Variants in ZNF827 observed in about 807,000 individuals in gnomAD.
ZNF827 encodes the protein zinc finger protein 827.
Under a neutral mutation model 102.4 loss-of-function variants are expected in ZNF827, and 13 were observed. The observed-to-expected ratio is 0.13, with a 90% CI of 0.08 to 0.20. The LOEUF (loss-of-function observed/expected upper bound fraction) is 0.20, where lower values mean the gene tolerates loss of function less well. ZNF827 is among the 10% of genes least tolerant of loss of function. The pLI, the probability that ZNF827 is intolerant of heterozygous loss-of-function variation, is 1.00. For synonymous variants in ZNF827, 523 were observed against 536.2 expected (o/e 0.98, Z 0.34); for missense variants, 1,103 against 1,344.4 (o/e 0.82, Z 2.81).
intron 4 of ZNF827, among the ~76,000 whole-genome samples, chr4:145,881,664 A>G (rs1313939006): frequency 1.3e-5 from 2 of 152,126 alleles, no homozygotes; most frequent in East Asian, 3.9e-4. Flanking sequence ...AGACTTTTTA[A>G]CTGGAGAAAC....
intron 7 of ZNF827, among the ~76,000 whole-genome samples, chr4:145,836,077 T>A (rs1308059320): frequency 6.6e-6 from 1 of 152,004 alleles, no homozygotes; most frequent in Non-Finnish European, 1.5e-5. Flanking sequence ...CTGACACTCA[T>A]CAAGCTCAGC....
intron 1 of ZNF827, among the ~76,000 whole-genome samples, chr4:145,922,686 G>A (rs1403074521): frequency 6.6e-6 from 1 of 152,220 alleles, no homozygotes; most frequent in Admixed American, 6.5e-5. Context: ...CAAGGAAAAG[G>A]ACATGTGTGA....
intron 1 of ZNF827, among the ~76,000 whole-genome samples, chr4:145,926,143 GAC>G (rs1753401974): frequency 6.6e-6 from 1 of 152,288 alleles, no homozygotes; most frequent in African/African-American, 2.4e-5. Context: ...CCCAATCCCT[GAC>G]ACACTTTGCT....
chr4:145,807,334 T>C (rs1319633640), intron 8 of ZNF827, among the ~76,000 whole-genome samples: 1 of 152,232 alleles, frequency 6.6e-6, no homozygotes, highest in Non-Finnish European at 1.5e-5. Flanking sequence ...TTAATTTTTC[T>C]TTATAGAAGT....
At chr4:145,790,675 T>TG (rs1210788911) in intron 8 of ZNF827, among the ~76,000 whole-genome samples, 3 of 152,252 alleles carry the variant, frequency 2.0e-5, no homozygotes, top group Non-Finnish European at 4.4e-5. Context: ...GGACAAGTCT[T>TG]GATCATATCA....
chr4:145,933,475 T>C (rs1392314708), intron 1 of ZNF827, among the ~76,000 whole-genome samples: 1 of 152,184 alleles, frequency 6.6e-6, no homozygotes, highest in Non-Finnish European at 1.5e-5. Flanking sequence ...AAAAGACTGG[T>C]AAAATGATAA....
At chr4:145,807,368 TAGA>T (rs1741556292) in intron 8 of ZNF827, among the ~76,000 whole-genome samples, 1 of 152,204 alleles carries the variant, frequency 6.6e-6, no homozygotes. Flanking sequence ...TATAGAAAAC[TAGA>T]AGAAGAGAGA....
intron 4 of ZNF827, among the ~76,000 whole-genome samples, chr4:145,880,830 G>A (rs1324538193): frequency 1.3e-5 from 2 of 152,246 alleles, no homozygotes; most frequent in African/African-American, 4.8e-5. Context: ...GCATGCCCAG[G>A]CGTGGGGAGT....
At chr4:145,864,734 C>T (rs1229508883) in intron 5 of ZNF827, among the ~76,000 whole-genome samples, 2 of 152,100 alleles carry the variant, frequency 1.3e-5, no homozygotes, top group Non-Finnish European at 2.9e-5. Flanking sequence ...ATTAGATCTA[C>T]CTGTTCACTT....
chr4:145,807,374 A>C (rs893297264), intron 8 of ZNF827, among the ~76,000 whole-genome samples: 1 of 152,210 alleles, frequency 6.6e-6, no homozygotes, highest in Non-Finnish European at 1.5e-5. Flanking sequence ...AAACTAGAAG[A>C]AGAGAGACAA....
intron 11 of ZNF827, among the ~76,000 whole-genome samples, chr4:145,768,623 G>C (rs1431319230): frequency 6.6e-6 from 1 of 151,516 alleles, no homozygotes; most frequent in African/African-American, 2.4e-5. Flanking sequence ...TAGGGAGACT[G>C]TTCTCCAATT....
rs555557737 is a variant in ZNF827, at chr4:145,890,556, G to A, written c.1266+1687C>T. On this transcript the variant is annotated intron_variant, in intron 3 of 14. Transcript: ENST00000508784. ...TTAAGTGACCCTGAGCTGAAACCAAGCTTACAAGGTGTCAGGCTAGATGCA... is the reference window on the plus strand; with the variant it reads ...TTAAGTGACCCTGAGCTGAAACCAAACTTACAAGGTGTCAGGCTAGATGCA... Among the ~76,000 whole-genome samples, 205 of 152,306 alleles carry A rather than the reference G, an allele frequency of 1.3e-3. 2 individuals are homozygous for A. The highest frequency in any genetic ancestry group is 1.6e-3 in the Non-Finnish European group (107 of 68,024).
At chr4:145,847,450 G>A (rs1746104542) in intron 6 of ZNF827, among the ~76,000 whole-genome samples, 1 of 152,208 alleles carries the variant, frequency 6.6e-6, no homozygotes, top group Admixed American at 6.5e-5. Flanking sequence ...CCCTTTGTGA[G>A]AGGGGATATA....
At chr4:145,768,859 A>C (rs1463527511) in intron 11 of ZNF827, among the ~76,000 whole-genome samples, 1 of 7,904 alleles carries the variant, frequency 1.3e-4, no homozygotes, top group Non-Finnish European at 2.5e-4. Flanking sequence ...ACTCCGTCTC[A>C]AAAAAAAAAA....
At chr4:145,768,845 CA>C (rs1735734054) in intron 11 of ZNF827, among the ~76,000 whole-genome samples, 1 of 69,376 alleles carries the variant, frequency 1.4e-5, no homozygotes, top group South Asian at 6.0e-4. Context: ...GGTGACAGAG[CA>C]AGACTCCGTC....
At chr4:145,797,046 AT>A (rs778652834) in intron 8 of ZNF827, among the ~76,000 whole-genome samples, 1 of 152,168 alleles carries the variant, frequency 6.6e-6, no homozygotes, top group Non-Finnish European at 1.5e-5. Context: ...GATGCATGTA[AT>A]GTGGGCGGTC....
intron 5 of ZNF827, among the ~76,000 whole-genome samples, chr4:145,850,875 C>T (rs140369301): frequency 2.0e-3 from 307 of 152,098 alleles, no homozygotes; most frequent in African/African-American, 6.8e-3. Context: ...CTTGTGAATG[C>T]GAATGTGACT....
At chr4:145,796,602 T>C (rs1340831902) in intron 8 of ZNF827, among the ~76,000 whole-genome samples, 1 of 149,792 alleles carries the variant, frequency 6.7e-6, no homozygotes, top group Non-Finnish European at 1.5e-5. Flanking sequence ...GAACCTTACA[T>C]AAATTATATC....
At chr4:145,813,727 C>T (rs1284377054) in intron 8 of ZNF827, among the ~76,000 whole-genome samples, 1 of 152,176 alleles carries the variant, frequency 6.6e-6, no homozygotes, top group South Asian at 2.1e-4. Context: ...AGGAAGCCCC[C>T]CTTGCCGGCA....
Sources: gnomAD v4.1 joint callset for allele counts (sites outside exome capture counted in the v4.1 genomes callset) on GRCh38, gnomAD v4.1.1 for gene constraint, MANE v1.5 for transcripts, NCBI Gene and HGNC (gene_info 2026-07-23, HGNC 2026-07-21) for gene names.